STUM: variants seen among roughly 807,000 people sequenced by gnomAD.
The protein encoded by STUM is protein stum homolog.
Under a neutral mutation model 15.3 loss-of-function variants are expected in STUM, and 8 were observed. The observed-to-expected ratio is 0.52, with a 90% CI of 0.31 to 0.94. The LOEUF is 0.94. STUM is among the 40% of genes least tolerant of loss of function. The pLI is 0.05. For missense variants in STUM, 142 were observed against 204.9 expected (o/e 0.69, Z 1.87); for synonymous variants, 78 against 88.7 (o/e 0.88, Z 0.68).
intron 1 of STUM, among the ~76,000 whole-genome samples, chr1:226,561,050 C>T (rs561075734): frequency 6.6e-6 from 1 of 152,310 alleles, no homozygotes; most frequent in Non-Finnish European, 1.5e-5. Context: ...CAAGACCCAA[C>T]TCAAATGCCC....
chr1:226,580,917 A>AAGCT (rs1667908060), intron 1 of STUM, among the ~76,000 whole-genome samples: 2 of 152,280 alleles, frequency 1.3e-5, no homozygotes, highest in South Asian at 4.1e-4. Flanking sequence ...CTCTCATGTC[A>AAGCT]AGCTATCAGG....
In STUM at chr1:226,600,283, G is replaced by C. The variant is rs1038459612; in HGVS notation, c.383-383G>C. 6.6e-6 allele frequency among the ~76,000 whole-genome samples: 1 copy of C among 152,232 alleles called. No homozygotes were observed. Among genetic ancestry groups the C allele is most frequent in the African/African-American group, 2.4e-5 (1 of 41,456 alleles). On this transcript the variant is annotated intron_variant, in intron 2 of 3. Transcript: ENST00000366788. The surrounding 1 kb of genome is among the most constrained non-coding windows in gnomAD (Gnocchi z 5.2). ...CACTATACTCTAGCTGGGCAACAGA[G>C]TGAGATTCTGTGTCAAAAGAAGACA...
chr1:226,583,951 A>G (rs1330675438), intron 1 of STUM, among the ~76,000 whole-genome samples: 1 of 151,858 alleles, frequency 6.6e-6, no homozygotes, highest in Non-Finnish European at 1.5e-5. Context: ...GCCCAGTGAC[A>G]CTCTTGTTCC....
intron 1 of STUM, among the ~76,000 whole-genome samples, chr1:226,586,475 T>C (rs1323075461): frequency 6.6e-6 from 1 of 152,188 alleles, no homozygotes; most frequent in Non-Finnish European, 1.5e-5. Context: ...GGTCCGGGCA[T>C]TAGCCTGCAT....
chr1:226,597,153 C>T (rs1457757825), intron 2 of STUM, among the ~76,000 whole-genome samples, 172 bp downstream of exon 2: 1 of 152,212 alleles, frequency 6.6e-6, no homozygotes, highest in Non-Finnish European at 1.5e-5. Context: ...GCACTGGGGA[C>T]CCTCCCCGCC....
At chr1:226,592,501 G>A (rs960201714) in intron 1 of STUM, among the ~76,000 whole-genome samples, 4 of 152,144 alleles carry the variant, frequency 2.6e-5, no homozygotes, top group African/African-American at 9.7e-5. Context: ...TGTAAAATGG[G>A]GATAATAATA....
intron 2 of STUM, among the ~76,000 whole-genome samples, 157 bp downstream of exon 2, chr1:226,597,138 G>A (rs901930044): frequency 2.6e-5 from 4 of 152,232 alleles, no homozygotes; most frequent in Non-Finnish European, 5.9e-5. Context: ...TCCCTGGGCT[G>A]CTTGGCACTG....
chr1:226,559,829 C>T (rs1042250771), intron 1 of STUM, among the ~76,000 whole-genome samples: 12 of 152,072 alleles, frequency 7.9e-5, no homozygotes, highest in Non-Finnish European at 1.3e-4. Context: ...AAAAATTAGC[C>T]GGGCATGGTG....
chr1:226,587,960 C>G (rs1198816796), intron 1 of STUM, among the ~76,000 whole-genome samples: 1 of 152,144 alleles, frequency 6.6e-6, no homozygotes, highest in Non-Finnish European at 1.5e-5. Flanking sequence ...GCAGTGTGAC[C>G]TCACTATGGT....
In STUM at chr1:226,548,779, C is replaced by G. The variant is rs1667314165; in HGVS notation, c.-126C>G. The G allele has an allele frequency of 1.4e-6, 1 of 737,414 alleles. No homozygotes were observed. Among genetic ancestry groups the G allele is most frequent in the Non-Finnish European group, 1.8e-6 (1 of 551,358 alleles). 45.7% of individuals were successfully genotyped at this position (737,414 alleles called of 1,614,324 possible). ...GGGAGTCTCCGCGAGCCGCGCGGCG[C>G]ACGGAGCACGGCGGCCGCCTGAGCT... On this transcript the variant is annotated 5_prime_UTR_variant, in exon 1 of 4. Transcript: ENST00000366788.
Position 226,602,973 on chromosome 1 carries a change from C to T in STUM, c.*933C>T, listed in dbSNP as rs757218914. The stretch of plus-strand genomic sequence containing the variant: ...CTTCCCGGCAGAGTGTGGAACATCT[C>T]GCCTACCATCAGGCACGTGAATATT... On this transcript the variant is annotated 3_prime_UTR_variant, in exon 4 of 4. Coordinates refer to ENST00000366788, the MANE Select transcript of STUM (RefSeq NM_001003665.4). 2.5e-4 allele frequency: 38 copies of T among 152,312 alleles called. No individual in the cohort carries two copies. The highest frequency in any genetic ancestry group is 5.9e-4 in the Admixed American group (9 of 15,304). The allele number at this position is 152,312 out of a possible 1,614,324, so 9.4% of individuals were successfully genotyped here.
chr1:226,601,853 G>C (rs949323108), intron 3 of STUM, 153 bp from the exon 4 acceptor site: 1 of 597,292 alleles, frequency 1.7e-6, no homozygotes, highest in African/African-American at 1.8e-5. Context: ...GAAAGTCAAA[G>C]CCCTTGGGAA....
At chr1:226,586,076 T>A (rs1336138095) in intron 1 of STUM, among the ~76,000 whole-genome samples, 1 of 152,150 alleles carries the variant, frequency 6.6e-6, no homozygotes, top group Non-Finnish European at 1.5e-5. Flanking sequence ...CTTTGCTCGA[T>A]GGAATGCAGT....
intron 1 of STUM, among the ~76,000 whole-genome samples, chr1:226,571,886 C>T (rs1667717403): frequency 6.6e-6 from 1 of 152,124 alleles, no homozygotes; most frequent in Non-Finnish European, 1.5e-5. Context: ...GTGATCCACC[C>T]ACCTTGGCCT....
At chr1:226,601,236 C>T (rs1328836946) in intron 3 of STUM, among the ~76,000 whole-genome samples, 1 of 152,134 alleles carries the variant, frequency 6.6e-6, no homozygotes, top group African/African-American at 2.4e-5. Flanking sequence ...AAGCGATTCT[C>T]CTGCCTCAGC....
Position 226,578,438 on chromosome 1 carries a change from C to G in STUM, c.203-18364C>G, listed in dbSNP as rs1667859380. On this transcript the variant is annotated intron_variant, in intron 1 of 3. Transcript: ENST00000366788. ...GGAGTGCAGTGACGCAATCACAGGT[C>G]ACTTGCAGCCTCGACTGTCTGGGCT... Among the ~76,000 whole-genome samples, 3 of 144,738 alleles carry G rather than the reference C, an allele frequency of 2.1e-5. No homozygotes were observed. The South Asian group carries it at 6.9e-4, about 33-fold the overall frequency. 95.0% of individuals were successfully genotyped at this position (144,738 alleles called of 152,430 possible). A position where few individuals can be genotyped will look rare whatever the true frequency, so the allele number is the denominator to read the frequency against.
rs374066195 is a variant in STUM at position 226,565,572 on chromosome 1, G to T, written c.202+16466G>T. On this transcript the variant is annotated intron_variant, in intron 1 of 3. Transcript: ENST00000366788. The surrounding 1 kb of genome is among the most constrained non-coding windows in gnomAD (Gnocchi z 4.4). ...GTACATGGAGCCAGGGCTTCCTGCC[G>T]TCTGAAAAGTGTGGGTGTCCAGCTT... is the stretch of plus-strand genomic sequence containing the variant. 6.6e-6 allele frequency among the ~76,000 whole-genome samples: 1 copy of T among 152,202 alleles called. No homozygotes were observed. Among genetic ancestry groups the T allele is most frequent in the East Asian group, 1.9e-4 (1 of 5,202 alleles).
At chr1:226,585,737 C>G (rs998619081) in intron 1 of STUM, among the ~76,000 whole-genome samples, 2 of 152,184 alleles carry the variant, frequency 1.3e-5, no homozygotes, top group African/African-American at 4.8e-5. Flanking sequence ...CACTGAAGCA[C>G]TCAGTAGGTA....
intron 1 of STUM, among the ~76,000 whole-genome samples, chr1:226,568,441 C>T (rs1165519594): frequency 6.6e-6 from 1 of 152,218 alleles, no homozygotes; most frequent in Non-Finnish European, 1.5e-5. Flanking sequence ...GCAGGGACAG[C>T]TTCAGGAATG....
Sources: allele counts gnomAD v4.1 joint callset (sites outside exome capture counted in the v4.1 genomes callset), GRCh38; gene constraint gnomAD v4.1.1; non-coding constraint Gnocchi (gnomAD v3.1); transcripts MANE v1.5; gene names NCBI Gene and HGNC (gene_info 2026-07-23, HGNC 2026-07-21).